Variants in RHOBTB1 observed in about 807,000 individuals in gnomAD.
RHOBTB1 encodes the protein Rho related BTB domain containing 1, also known as rho-related BTB domain-containing protein 1.
RHOBTB1 carries 40 observed loss-of-function variants against 71.6 expected under a neutral mutation model. The ratio of observed to expected loss-of-function variants is 0.56; its 90% confidence interval spans 0.43 to 0.73. The LOEUF is 0.73. Among genes scored for constraint, RHOBTB1 ranks in the 30% least tolerant of loss-of-function variants. The probability of loss-of-function intolerance (pLI) is 0.00; values close to 1 mark genes in which losing one functional copy is unlikely to be tolerated. For missense variants in RHOBTB1, 797 were observed against 894.0 expected (o/e 0.89, Z 1.38); for synonymous variants, 319 against 334.9 (o/e 0.95, Z 0.52).
intron 1 of RHOBTB1, among the ~76,000 whole-genome samples, chr10:60,988,523 T>G (rs1471361554): frequency 6.6e-6 from 1 of 151,962 alleles, no homozygotes; most frequent in Non-Finnish European, 1.5e-5. Flanking sequence ...GTACCCAACA[T>G]TTAGCTCCCA....
At chr10:60,892,071 C>T (rs1564831887) in intron 5 of RHOBTB1, among the ~76,000 whole-genome samples, 1 of 152,198 alleles carries the variant, frequency 6.6e-6, no homozygotes, top group Non-Finnish European at 1.5e-5. Flanking sequence ...GCCTCCGCAG[C>T]CATGCTAAAC....
chr10:60,903,102 A>G (rs2082488973), intron 4 of RHOBTB1, among the ~76,000 whole-genome samples: 1 of 152,202 alleles, frequency 6.6e-6, no homozygotes, highest in Non-Finnish European at 1.5e-5. Flanking sequence ...TCCGAAGGTG[A>G]CAGAGAGGGT....
the RHOBTB1 span, among the ~76,000 whole-genome samples, chr10:60,861,323 G>A: frequency 6.6e-6 from 1 of 152,174 alleles, no homozygotes; most frequent in African/African-American, 2.4e-5. Context: ...TGGTCAAATG[G>A]AATTTCTCTA....
At chr10:60,966,965 T>C (rs2085985323) in intron 2 of RHOBTB1, among the ~76,000 whole-genome samples, 1 of 151,818 alleles carries the variant, frequency 6.6e-6, no homozygotes, top group African/African-American at 2.4e-5. Flanking sequence ...CACGACAAAG[T>C]TCTTGGGGAG....
the RHOBTB1 span, among the ~76,000 whole-genome samples, chr10:60,861,823 C>G: frequency 6.6e-6 from 1 of 152,322 alleles, no homozygotes; most frequent in Non-Finnish European, 1.5e-5. Context: ...TGTTTACTCT[C>G]CCTCCACTCC....
intron 2 of RHOBTB1, among the ~76,000 whole-genome samples, chr10:60,930,257 G>A (rs559186611): frequency 5.3e-5 from 8 of 152,200 alleles, no homozygotes; most frequent in African/African-American, 1.4e-4. Flanking sequence ...TTAATCTGTC[G>A]GAGCCTCTAT....
chr10:60,888,728 C>G lies in RHOBTB1; in HGVS notation c.940G>C (p.Glu314Gln), dbSNP rs749166915. Reference protein sequence around the residue: ...PNGSEGACEKEKQSRDFQGRI... With the variant: ...PNGSEGACEKQKQSRDFQGRI... ...CCCTGGAAATCTCTGCTCTGCTTCT[C>G]TTTCTCACAGGCTCCTTCACTCCCA... The change falls in exon 6 of 11, where the codon GAG becomes CAG. Residue 314 changes from glutamate (E) to glutamine (Q), a missense_variant. Coordinates refer to ENST00000337910, the MANE Select transcript of RHOBTB1 (RefSeq NM_014836.5). The G allele has an allele frequency of 6.8e-6, 11 of 1,614,206 alleles. No homozygotes were observed. The East Asian group carries it at 2.5e-4, about 36-fold the overall frequency.
chr10:60,973,357 C>T (rs879265369), intron 2 of RHOBTB1, among the ~76,000 whole-genome samples: 1 of 152,058 alleles, frequency 6.6e-6, no homozygotes, highest in African/African-American at 2.4e-5. Flanking sequence ...TTTCTGTCTA[C>T]ATTCAAAACA....
At chr10:60,918,864 A>T (rs1325449684) in intron 2 of RHOBTB1, among the ~76,000 whole-genome samples, 1 of 151,656 alleles carries the variant, frequency 6.6e-6, no homozygotes, top group Non-Finnish European at 1.5e-5. Flanking sequence ...CTCCTGACTC[A>T]GCCTCCCGAG....
intron 4 of RHOBTB1, among the ~76,000 whole-genome samples, chr10:60,896,621 A>G (rs1564851671): frequency 6.6e-6 from 1 of 152,212 alleles, no homozygotes; most frequent in Non-Finnish European, 1.5e-5. Flanking sequence ...AAACAGTTTT[A>G]TTAGAGAAAG....
chr10:60,998,306 T>C (rs2087130301), intron 1 of RHOBTB1, among the ~76,000 whole-genome samples: 1 of 152,202 alleles, frequency 6.6e-6, no homozygotes, highest in Non-Finnish European at 1.5e-5. Context: ...TATTCAAACA[T>C]ACTTACAGAC....
rs374936128 is a variant in RHOBTB1 at position 60,871,549 on chromosome 10, A to C, written c.2024T>G (p.Ile675Ser). 1 of 1,613,942 alleles carries C rather than the reference A, an allele frequency of 6.2e-7. No individual in the cohort carries two copies. Among genetic ancestry groups the C allele is most frequent in the African/African-American group, 1.3e-5 (1 of 74,864 alleles). Reference protein sequence around the residue: ...RVKREREKEDIALNKHRSRRK... With the variant: ...RVKREREKEDSALNKHRSRRK... ...TCTTGAGCGATGCTTATTTAGTGCA[A>C]TATCTTCCTTCTCTCGTTCCCTTTT... Residue 675 changes from isoleucine (I) to serine (S), a missense_variant, in exon 11 of 11, where the codon ATT becomes AGT. Physicochemically the swap from Ile to Ser is moderately radical, Grantham distance 142 (BLOSUM62 -2). This residue lies in a region of RHOBTB1 where 658 missense variants were observed against 681.5 expected (regional missense o/e 0.97). Coordinates refer to ENST00000337910, the MANE Select transcript of RHOBTB1 (RefSeq NM_014836.5).
intron 4 of RHOBTB1, among the ~76,000 whole-genome samples, chr10:60,902,029 T>C (rs1180867536): frequency 1.3e-5 from 2 of 152,196 alleles, no homozygotes; most frequent in African/African-American, 4.8e-5. Flanking sequence ...CTATCTCATT[T>C]GGCACTCCGC....
intron 5 of RHOBTB1, among the ~76,000 whole-genome samples, chr10:60,889,638 G>C (rs1173065832): frequency 6.6e-6 from 1 of 151,890 alleles, no homozygotes. Flanking sequence ...TAAATAGAGA[G>C]TGTTTTACTT....
intron 7 of RHOBTB1, among the ~76,000 whole-genome samples, chr10:60,883,589 G>T (rs1277774568): frequency 6.6e-6 from 1 of 152,194 alleles, no homozygotes; most frequent in Non-Finnish European, 1.5e-5. Context: ...AATCCTCCCA[G>T]CTCTTTATCT....
At chr10:60,896,832 C>G (rs932944553) in intron 4 of RHOBTB1, among the ~76,000 whole-genome samples, 7 of 151,956 alleles carry the variant, frequency 4.6e-5, no homozygotes, top group Admixed American at 3.9e-4. Context: ...TGAAATAAAT[C>G]GAAATGTTGA....
intron 2 of RHOBTB1, among the ~76,000 whole-genome samples, chr10:60,913,547 A>T (rs945361574): frequency 2.0e-5 from 3 of 152,212 alleles, no homozygotes; most frequent in African/African-American, 7.2e-5. Context: ...AAAAGCATGA[A>T]TTTGGTGTTA....
chr10:60,991,656 C>T (rs1013348930), intron 1 of RHOBTB1, among the ~76,000 whole-genome samples: 1 of 152,020 alleles, frequency 6.6e-6, no homozygotes, highest in Admixed American at 6.5e-5. Flanking sequence ...TGGTCTCAAA[C>T]TCCTGACCTT....
chr10:60,891,901 T>C (rs949746446), intron 5 of RHOBTB1, among the ~76,000 whole-genome samples: 2 of 152,128 alleles, frequency 1.3e-5, no homozygotes, highest in South Asian at 2.1e-4. Context: ...TGGGGGCGGT[T>C]CCCCCATGCT....
Sources: allele counts gnomAD v4.1 joint callset (sites outside exome capture counted in the v4.1 genomes callset), GRCh38; gene constraint gnomAD v4.1.1; regional missense constraint gnomAD v4.1.1; transcripts MANE v1.5; gene names NCBI Gene and HGNC (gene_info 2026-07-23, HGNC 2026-07-21).